LINGO2: variants seen among roughly 807,000 people sequenced by gnomAD.
LINGO2 encodes the protein leucine-rich repeat and immunoglobulin-like domain-containing nogo receptor-interacting protein 2.
In LINGO2, 14 loss-of-function variants were observed where a neutral mutation model predicts 30.6. The observed-to-expected ratio is 0.46, with a 90% CI of 0.30 to 0.72. LINGO2 has a LOEUF of 0.72. Ranked by LOEUF, LINGO2 falls within the 30% of genes least tolerant of loss-of-function variation. LINGO2 has a pLI of 0.07. For missense variants in LINGO2, 729 were observed against 751.7 expected (o/e 0.97, Z 0.35); for synonymous variants, 317 against 288.5 (o/e 1.10, Z -1.00).
intron 1 of LINGO2, among the ~76,000 whole-genome samples, chr9:28,518,061 G>C (rs1587794835): frequency 6.6e-6 from 1 of 152,026 alleles, no homozygotes; most frequent in African/African-American, 2.4e-5. Flanking sequence ...AACAGATAGG[G>C]TCCCAAAATG....
intron 4 of LINGO2, among the ~76,000 whole-genome samples, chr9:28,187,491 GAAA>G (rs34656512): frequency 2.3e-5 from 3 of 133,006 alleles, no homozygotes; most frequent in African/African-American, 2.8e-5. Context: ...CTCTGTCTCA[GAAA>G]AAAAAAAAAA....
chr9:28,379,746 C>T (rs1466226600), intron 2 of LINGO2, among the ~76,000 whole-genome samples: 2 of 152,010 alleles, frequency 1.3e-5, no homozygotes, highest in African/African-American at 2.4e-5. Context: ...TGGAGCATTG[C>T]TTTTAGTTGA....
At chr9:28,109,069 T>C (rs1826689124) in intron 4 of LINGO2, among the ~76,000 whole-genome samples, 1 of 152,218 alleles carries the variant, frequency 6.6e-6, no homozygotes, top group African/African-American at 2.4e-5. Flanking sequence ...GCTTCATCTC[T>C]GGTATACAAG....
the LINGO2 span, among the ~76,000 whole-genome samples, chr9:28,744,766 A>G: frequency 3.3e-5 from 5 of 151,396 alleles, no homozygotes; most frequent in East Asian, 9.8e-4. Flanking sequence ...CATCCTGAGT[A>G]GCTGGGACTA....
intron 4 of LINGO2, among the ~76,000 whole-genome samples, chr9:28,032,189 G>T (rs999912722): frequency 6.6e-6 from 1 of 151,692 alleles, no homozygotes; most frequent in Non-Finnish European, 1.5e-5. Context: ...TTCCACACAG[G>T]ATCTAATTCA....
intron 1 of LINGO2, among the ~76,000 whole-genome samples, chr9:28,552,563 T>C (rs1822354399): frequency 6.6e-6 from 1 of 151,974 alleles, no homozygotes; most frequent in South Asian, 2.1e-4. Flanking sequence ...CTATTGCTAT[T>C]CATAGGACTG....
chr9:28,210,624 A>G (rs1176245196), intron 4 of LINGO2, among the ~76,000 whole-genome samples: 2 of 151,588 alleles, frequency 1.3e-5, no homozygotes, highest in African/African-American at 4.8e-5. Context: ...ATGTGACAGA[A>G]TTACAATCTT....
intron 1 of LINGO2, among the ~76,000 whole-genome samples, chr9:28,528,087 G>A (rs551550496): frequency 6.6e-6 from 1 of 152,240 alleles, no homozygotes; most frequent in Non-Finnish European, 1.5e-5. Flanking sequence ...GTGTCAGCAA[G>A]GGACACATCT....
chr9:28,073,797 G>C (rs1421072632), intron 4 of LINGO2, among the ~76,000 whole-genome samples: 1 of 152,198 alleles, frequency 6.6e-6, no homozygotes, highest in Non-Finnish European at 1.5e-5. Flanking sequence ...GGGAGCTGAA[G>C]TAGGAGGATG....
chr9:29,025,968 A>ATT, the LINGO2 span, among the ~76,000 whole-genome samples: 1 of 152,042 alleles, frequency 6.6e-6, no homozygotes, highest in Non-Finnish European at 1.5e-5. Context: ...ATATGACAGG[A>ATT]TTTTACTCTT....
At chr9:29,142,663 A>G in the LINGO2 span, among the ~76,000 whole-genome samples, 1 of 151,944 alleles carries the variant, frequency 6.6e-6, no homozygotes, top group Non-Finnish European at 1.5e-5. Flanking sequence ...TAAAGGCCAT[A>G]TATGAAAATC....
At chr9:28,976,486 C>T in the LINGO2 span, among the ~76,000 whole-genome samples, 2 of 152,040 alleles carry the variant, frequency 1.3e-5, no homozygotes, top group African/African-American at 4.8e-5. Flanking sequence ...AGAATGTAAC[C>T]ACATTCAACA....
At chr9:29,120,796 T>G in the LINGO2 span, among the ~76,000 whole-genome samples, 1 of 152,202 alleles carries the variant, frequency 6.6e-6, no homozygotes, top group Non-Finnish European at 1.5e-5. Context: ...AACTTTAATG[T>G]TCTAAGCTTT....
intron 3 of LINGO2, among the ~76,000 whole-genome samples, chr9:28,360,381 T>C (rs1397243809): frequency 1.3e-5 from 2 of 152,192 alleles, no homozygotes; most frequent in African/African-American, 2.4e-5. Context: ...ACCTGCAAAG[T>C]ATAATTTAAC....
chr9:28,655,591 G>A (rs1828300533), intron 1 of LINGO2, among the ~76,000 whole-genome samples: 1 of 151,998 alleles, frequency 6.6e-6, no homozygotes, highest in African/African-American at 2.4e-5. Context: ...ATCTTGAATT[G>A]TACTTCCCAT....
intron 4 of LINGO2, among the ~76,000 whole-genome samples, chr9:28,263,080 T>C (rs1334504735): frequency 6.6e-6 from 1 of 151,964 alleles, no homozygotes; most frequent in East Asian, 1.9e-4. Flanking sequence ...CCCCCTGTTA[T>C]CTTGCAGTCC....
At chr9:28,088,086 C>A (rs12376733) in intron 4 of LINGO2, among the ~76,000 whole-genome samples, 1 of 151,768 alleles carries the variant, frequency 6.6e-6, no homozygotes, top group Non-Finnish European at 1.5e-5. Context: ...TAACTAATTT[C>A]GGATAAGAGA....
chr9:28,506,505 C>CAT (rs773033942), intron 1 of LINGO2, among the ~76,000 whole-genome samples: 1,414 of 84,432 alleles, frequency 0.017, 291 homozygotes, highest in African/African-American at 0.057. Context: ...CACACACAGA[C>CAT]ATATATATAT....
At chr9:28,989,904 T>G in the LINGO2 span, among the ~76,000 whole-genome samples, 47 of 152,108 alleles carry the variant, frequency 3.1e-4, no homozygotes, top group Non-Finnish European at 4.1e-4. Flanking sequence ...CTAAAGACTG[T>G]GAAGTGAGCC....
Sources: allele counts gnomAD v4.1 joint callset (sites outside exome capture counted in the v4.1 genomes callset), GRCh38; gene constraint gnomAD v4.1.1; transcripts MANE v1.5; gene names NCBI Gene and HGNC (gene_info 2026-07-23, HGNC 2026-07-21).